The following NRG1 variants were observed in gnomAD, a reference collection of about 807,000 sequenced individuals.
NRG1 encodes neuregulin 1, also known as pro-neuregulin-1, membrane-bound isoform.
In NRG1, 18 loss-of-function variants were observed where a neutral mutation model predicts 63.8. The ratio of observed to expected loss-of-function variants is 0.28; its 90% CI spans 0.19 to 0.42. The LOEUF is 0.42. Among genes scored for constraint, NRG1 ranks in the 10% least tolerant of loss-of-function variants. The pLI, the probability that NRG1 is intolerant of heterozygous loss-of-function variation, is 1.00. For missense variants in NRG1, 762 were observed against 814.7 expected, an observed-to-expected ratio of 0.94 and a Z score of 0.79; for synonymous variants, 302 against 301.3, an observed-to-expected ratio of 1.00 and a Z score of -0.02.
intron 5 of NRG1, chr8:32,647,299 A>C (rs1554617358): frequency 3.0e-6 from 3 of 985,316 alleles, no homozygotes; most frequent in Non-Finnish European, 2.4e-6. Flanking sequence ...CTTCTCCTGC[A>C]TGACAGTTGT....
intron 1 of NRG1, among the ~76,000 whole-genome samples, chr8:31,911,177 G>A (rs1009600653): frequency 1.3e-5 from 2 of 152,062 alleles, no homozygotes; most frequent in Middle Eastern, 3.4e-3. Flanking sequence ...GTGTGGGAGC[G>A]ATTTTTCAAA....
intron 1 of NRG1, among the ~76,000 whole-genome samples, chr8:32,392,141 C>T (rs1208184942): frequency 6.6e-6 from 1 of 152,052 alleles, no homozygotes; most frequent in Admixed American, 6.6e-5. Context: ...CTGGCGATCA[C>T]CATTATGAAG....
intron 1 of NRG1, among the ~76,000 whole-genome samples, chr8:32,176,577 A>G (rs1270359504): frequency 6.6e-6 from 1 of 152,230 alleles, no homozygotes; most frequent in Non-Finnish European, 1.5e-5. Flanking sequence ...CAATCTATTC[A>G]TCTGTCAAAG....
At chr8:32,726,574 C>G (rs1196158081) in intron 5 of NRG1, among the ~76,000 whole-genome samples, 1 of 151,952 alleles carries the variant, frequency 6.6e-6, no homozygotes, top group Non-Finnish European at 1.5e-5. Flanking sequence ...ATGCCTTAGA[C>G]AGGATAATAA....
intron 1 of NRG1, among the ~76,000 whole-genome samples, chr8:31,679,809 C>T (rs1292052406): frequency 6.6e-6 from 1 of 151,916 alleles, no homozygotes; most frequent in Non-Finnish European, 1.5e-5. Flanking sequence ...GCATAGTAAC[C>T]ATCCCAAAAA....
chr8:32,340,498 A>G (rs976778539), intron 1 of NRG1, among the ~76,000 whole-genome samples: 1 of 152,208 alleles, frequency 6.6e-6, no homozygotes, highest in East Asian at 1.9e-4. Context: ...GTAGTAAAAT[A>G]TACTTCTTTC....
chr8:32,336,218 G>A (rs1803243347), intron 1 of NRG1, among the ~76,000 whole-genome samples: 1 of 152,124 alleles, frequency 6.6e-6, no homozygotes, highest in African/African-American at 2.4e-5. Flanking sequence ...CTTCCTTTTT[G>A]TAAATTTGTC....
intron 1 of NRG1, among the ~76,000 whole-genome samples, chr8:31,820,667 G>A (rs1198387542): frequency 6.6e-6 from 1 of 152,140 alleles, no homozygotes; most frequent in Non-Finnish European, 1.5e-5. Context: ...AGAATTATGA[G>A]CATTGGAACT....
intron 1 of NRG1, among the ~76,000 whole-genome samples, chr8:32,025,472 TTTTAA>T (rs1332366622): frequency 2.6e-5 from 4 of 152,234 alleles, no homozygotes; most frequent in African/African-American, 7.2e-5. Context: ...ATAATTGATA[TTTTAA>T]TTTAACAGAA....
chr8:32,411,885 T>C (rs1815009879), intron 1 of NRG1, among the ~76,000 whole-genome samples: 1 of 152,122 alleles, frequency 6.6e-6, no homozygotes. Context: ...AAAATATAGG[T>C]AAGTTGAACT....
intron 8 of NRG1, among the ~76,000 whole-genome samples, chr8:32,756,030 C>T (rs984772698): frequency 6.6e-6 from 1 of 152,142 alleles, no homozygotes; most frequent in Non-Finnish European, 1.5e-5. Context: ...GAATGAGCCA[C>T]CCCACCCAGC....
chr8:32,753,535 A>T (rs1829116371), intron 7 of NRG1, among the ~76,000 whole-genome samples: 1 of 152,172 alleles, frequency 6.6e-6, no homozygotes, highest in Non-Finnish European at 1.5e-5. Flanking sequence ...ATCACACATC[A>T]TTTGTACTGG....
intron 1 of NRG1, among the ~76,000 whole-genome samples, chr8:32,467,222 G>T (rs998420680): frequency 1.3e-5 from 2 of 152,090 alleles, no homozygotes; most frequent in Admixed American, 6.6e-5. Flanking sequence ...TGCCTGAAAT[G>T]GTTCTGTTTA....
At chr8:31,749,861 CTGTT>C (rs905580732) in intron 1 of NRG1, among the ~76,000 whole-genome samples, 5 of 147,496 alleles carry the variant, frequency 3.4e-5, no homozygotes, top group South Asian at 2.2e-4. Flanking sequence ...ATTTTAAAAT[CTGTT>C]TGTTTATTTT....
intron 5 of NRG1, among the ~76,000 whole-genome samples, chr8:32,638,310 A>G (rs768205669): frequency 2.0e-5 from 3 of 152,212 alleles, no homozygotes; most frequent in African/African-American, 4.8e-5. Context: ...AACTTAAAGT[A>G]TAATAAAAAA....
chr8:31,847,079 G>T (rs1826758726), intron 1 of NRG1, among the ~76,000 whole-genome samples: 1 of 152,186 alleles, frequency 6.6e-6, no homozygotes, highest in African/African-American at 2.4e-5. Flanking sequence ...TTTGGAAAGG[G>T]CTTGAAAGAT....
Position 32,233,563 on chromosome 8 carries a change from A to AT in NRG1, c.38-362250dup, listed in dbSNP as rs1554660617. Among the ~76,000 whole-genome samples, 312 of 67,182 alleles carry AT rather than the reference A, an allele frequency of 4.6e-3. 1 individual carries two copies. Among genetic ancestry groups the AT allele is most frequent in the East Asian group, 6.3e-3 (16 of 2,544 alleles). 44.1% of individuals were successfully genotyped at this position (67,182 alleles called of 152,430 possible). ...TATATATATATATATATATATATAT[A>AT]TTTTTTTTTTTTTTTCTTTTGAAAC... is the stretch of plus-strand genomic sequence containing the variant. On this transcript the variant is annotated intron_variant, in intron 1 of 10. Transcript: ENST00000519301.
At chr8:32,728,884 T>A (rs1338994205) in intron 6 of NRG1, among the ~76,000 whole-genome samples, 1 of 151,914 alleles carries the variant, frequency 6.6e-6, no homozygotes, top group African/African-American at 2.4e-5. Flanking sequence ...GCTAACACCG[T>A]GAAACCCCGT....
chr8:32,689,146 A>C (rs535714703), intron 5 of NRG1, among the ~76,000 whole-genome samples: 46 of 152,340 alleles, frequency 3.0e-4, no homozygotes, highest in African/African-American at 9.6e-4. Flanking sequence ...TGTATAGTTT[A>C]GGTTTTTGTG....
Sources: allele counts gnomAD v4.1 joint callset (sites outside exome capture counted in the v4.1 genomes callset), GRCh38; gene constraint gnomAD v4.1.1; transcripts MANE v1.5; gene names NCBI Gene and HGNC (gene_info 2026-07-23, HGNC 2026-07-21).